Variants in HYAL4 observed in about 807,000 individuals in gnomAD.
HYAL4 encodes hyaluronidase 4, also known as hyaluronidase-4.
In HYAL4, 37 loss-of-function variants were observed where a neutral mutation model predicts 35.2. That is an observed-to-expected ratio of 1.05 (90% CI 0.81 to 1.38). HYAL4 has a LOEUF of 1.38. HYAL4 is among the 40% of genes most tolerant of loss of function. The pLI is 0.00. For missense variants in HYAL4, 572 were observed against 572.4 expected (o/e 1.00, Z 0.01); for synonymous variants, 198 against 203.2 (o/e 0.97, Z 0.22).
chr7:123,826,010 A>G (rs1375886178), upstream of HYAL4, among the ~76,000 whole-genome samples: 1 of 152,018 alleles, frequency 6.6e-6, no homozygotes, highest in Non-Finnish European at 1.5e-5. Context: ...CATGCTTTAA[A>G]ATGTTAGGAC....
At chr7:123,785,501 C>T in the HYAL4 span, among the ~76,000 whole-genome samples, 3 of 152,186 alleles carry the variant, frequency 2.0e-5, no homozygotes, top group Non-Finnish European at 4.4e-5. The surrounding 1 kb of genome is among the most constrained non-coding windows in gnomAD (Gnocchi z 4.5). Context: ...AAGGGCTGCA[C>T]TCAATGTTCT....
intron 3 of HYAL4, among the ~76,000 whole-genome samples, chr7:123,872,876 C>A (rs1486345374): frequency 6.6e-6 from 1 of 152,168 alleles, no homozygotes; most frequent in Non-Finnish European, 1.5e-5. Flanking sequence ...CTGACAGCAA[C>A]CTCAGAAGGT....
At chr7:123,833,378 CTTT>C (rs1255146578) in intron 1 of HYAL4, among the ~76,000 whole-genome samples, 2 of 142,054 alleles carry the variant, frequency 1.4e-5, no homozygotes, top group Non-Finnish European at 3.1e-5. Context: ...TGTATATCTT[CTTT>C]TGATAGTTTT....
At chr7:123,854,450 ATTTATT>A (rs1342166820) in intron 2 of HYAL4, among the ~76,000 whole-genome samples, 1 of 151,978 alleles carries the variant, frequency 6.6e-6, no homozygotes, top group African/African-American at 2.4e-5. Context: ...CAAAGAACTT[ATTTATT>A]TCTGCCTTCA....
the HYAL4 span, among the ~76,000 whole-genome samples, chr7:123,806,080 A>G: frequency 2.6e-5 from 4 of 152,206 alleles, no homozygotes; most frequent in African/African-American, 9.7e-5. Context: ...TGCAAAAGAA[A>G]CATAAAGTTG....
At chr7:123,839,020 G>A (rs553903977) in intron 1 of HYAL4, among the ~76,000 whole-genome samples, 2 of 151,916 alleles carry the variant, frequency 1.3e-5, no homozygotes, top group Non-Finnish European at 2.9e-5. Flanking sequence ...TAAGTTCTGG[G>A]TACCTGTGCA....
At chr7:123,852,005 T>C (rs773705247) in intron 2 of HYAL4, among the ~76,000 whole-genome samples, 12 of 152,232 alleles carry the variant, frequency 7.9e-5, no homozygotes, top group Non-Finnish European at 1.6e-4. Context: ...TGATGAGCTT[T>C]TTTTCATCTT....
At chr7:123,876,044 A>G (rs1484783437) in intron 4 of HYAL4, 4 of 456,586 alleles carry the variant, frequency 8.8e-6, no homozygotes, top group Non-Finnish European at 1.8e-5. Flanking sequence ...TTTCCACCCC[A>G]GTCCCTTGGT....
intron 2 of HYAL4, among the ~76,000 whole-genome samples, chr7:123,862,589 G>A (rs1173256800): frequency 6.6e-6 from 1 of 152,212 alleles, no homozygotes; most frequent in African/African-American, 2.4e-5. Context: ...GGCACTTAGA[G>A]TTGCAATCAA....
intron 1 of HYAL4, chr7:123,829,167 C>T (rs1290952905): frequency 1.3e-5 from 2 of 152,544 alleles, no homozygotes; most frequent in East Asian, 3.8e-4. Flanking sequence ...TTCATCATTT[C>T]TGAAAATAAT....
the HYAL4 span, among the ~76,000 whole-genome samples, chr7:123,803,597 G>T: frequency 2.0e-5 from 3 of 152,058 alleles, no homozygotes; most frequent in African/African-American, 7.2e-5. Context: ...ATAAATGTAG[G>T]TGATTCTCAA....
At chr7:123,797,287 C>G in the HYAL4 span, among the ~76,000 whole-genome samples, 4 of 152,164 alleles carry the variant, frequency 2.6e-5, no homozygotes, top group African/African-American at 9.6e-5. Flanking sequence ...GTCTTCTATT[C>G]TCTCATTGCT....
chr7:123,866,425 C>T (rs1462015658), intron 2 of HYAL4, among the ~76,000 whole-genome samples: 2 of 152,156 alleles, frequency 1.3e-5, no homozygotes, highest in African/African-American at 4.8e-5. Flanking sequence ...AATACCAAAC[C>T]TGCAAGGAAG....
the HYAL4 span, among the ~76,000 whole-genome samples, chr7:123,809,436 C>T: frequency 6.9e-6 from 1 of 144,604 alleles, no homozygotes; most frequent in Admixed American, 7.1e-5. Flanking sequence ...GACTCCGTTG[C>T]CCAGGCTGGA....
the HYAL4 span, among the ~76,000 whole-genome samples, chr7:123,772,712 G>A: frequency 6.6e-6 from 1 of 152,194 alleles, no homozygotes; most frequent in Non-Finnish European, 1.5e-5. Flanking sequence ...AATGAAACCT[G>A]TGGAAAGTGA....
chr7:123,841,458 G>A (rs1806057436), upstream of HYAL4, among the ~76,000 whole-genome samples: 1 of 151,542 alleles, frequency 6.6e-6, no homozygotes, highest in South Asian at 2.1e-4. Flanking sequence ...TCTCTTTTCT[G>A]TGTGTGTATC....
intron 2 of HYAL4, among the ~76,000 whole-genome samples, chr7:123,866,194 T>A (rs1273561367): frequency 1.3e-5 from 2 of 152,178 alleles, no homozygotes; most frequent in Non-Finnish European, 2.9e-5. Flanking sequence ...CAAACCTTGC[T>A]TACTTGAGCA....
the HYAL4 span, among the ~76,000 whole-genome samples, chr7:123,821,977 ACT>A: frequency 6.6e-6 from 1 of 151,950 alleles, no homozygotes; most frequent in Non-Finnish European, 1.5e-5. Context: ...TTACTTCTGG[ACT>A]CTCTATTCTG....
At chr7:123,797,677 A>G in the HYAL4 span, among the ~76,000 whole-genome samples, 1 of 152,242 alleles carries the variant, frequency 6.6e-6, no homozygotes, top group African/African-American at 2.4e-5. Context: ...TAGCATATGT[A>G]AACTTTTTTA....
Sources: gnomAD v4.1 joint callset for allele counts (sites outside exome capture counted in the v4.1 genomes callset) on GRCh38, gnomAD v4.1.1 for gene constraint, Gnocchi (gnomAD v3.1) non-coding constraint, MANE v1.5 for transcripts, NCBI Gene and HGNC (gene_info 2026-07-23, HGNC 2026-07-21) for gene names.